NEO1: variants seen among roughly 807,000 people sequenced by gnomAD.
The protein encoded by NEO1 is neogenin.
A neutral mutation model predicts 159.7 loss-of-function variants in NEO1; 63 were observed. The ratio of observed to expected loss-of-function variants is 0.39; its 90% CI spans 0.32 to 0.49. NEO1 has a LOEUF of 0.49. Ranked by LOEUF, NEO1 falls within the 20% of genes least tolerant of loss-of-function variation. NEO1 has a pLI of 0.85. For missense variants in NEO1, 1,615 were observed against 1,831.0 expected, an observed-to-expected ratio of 0.88 and a Z score of 2.15; for synonymous variants, 633 against 662.0, an observed-to-expected ratio of 0.96 and a Z score of 0.67.
At chr15:73,118,711 A>C (rs938295879) in intron 2 of NEO1, among the ~76,000 whole-genome samples, 1 of 152,202 alleles carries the variant, frequency 6.6e-6, no homozygotes, top group Non-Finnish European at 1.5e-5. Context: ...GACTGCATAC[A>C]GGGTTCTGTA....
chr15:73,173,422 G>A (rs1019778270), intron 5 of NEO1, among the ~76,000 whole-genome samples: 1 of 152,140 alleles, frequency 6.6e-6, no homozygotes, highest in Admixed American at 6.5e-5. Flanking sequence ...AAACCCCCAA[G>A]AGTACGTAGA....
rs536254884 is a variant in NEO1, at chr15:73,141,063, C to T, written c.1015+5036C>T. On this transcript the variant is annotated intron_variant, in intron 5 of 28. Coordinates refer to ENST00000261908, the MANE Select transcript of NEO1 (RefSeq NM_002499.4). ...ATTCAAGCTGTATTGTTCATGTGTG[C>T]CACATGAGATCATCTCTTTTTTTAC... 2.6e-5 allele frequency among the ~76,000 whole-genome samples: 4 copies of T among 152,184 alleles called. No individual in the cohort carries two copies. In the South Asian group the frequency reaches 8.3e-4, roughly 32 times the overall value.
In NEO1 at chr15:73,303,289, T is replaced by G. The variant is rs1242281796; in HGVS notation, c.*593T>G. The stretch of plus-strand genomic sequence containing the variant: ...CTGAGTCATTGCATCCTCTACCAGC[T>G]GTTAATCCATCACTCTGAGGGGGAG... On this transcript the variant is annotated 3_prime_UTR_variant, in exon 29 of 29. Coordinates refer to ENST00000261908, the MANE Select transcript of NEO1 (RefSeq NM_002499.4). 1 of 152,692 alleles carries G rather than the reference T, an allele frequency of 6.5e-6. No homozygotes were observed. Among genetic ancestry groups the G allele is most frequent in the Non-Finnish European group, 1.5e-5 (1 of 68,080 alleles). 9.5% of individuals were successfully genotyped at this position (152,692 alleles called of 1,614,324 possible).
intron 6 of NEO1, 143 bp from the exon 7 acceptor site, chr15:73,178,164 T>C: frequency 1.3e-6 from 1 of 744,886 alleles, no homozygotes; most frequent in South Asian, 2.0e-5. Context: ...GAAATTGAGT[T>C]AACAAGTACT....
At chr15:73,220,660 C>T (rs565819454) in intron 7 of NEO1, among the ~76,000 whole-genome samples, 5 of 152,126 alleles carry the variant, frequency 3.3e-5, no homozygotes, top group East Asian at 3.9e-4. Flanking sequence ...CTTCCCTTCT[C>T]GCTTCATTTC....
chr15:73,259,012 CTGTAT>C (rs2040494615), intron 14 of NEO1, 136 bp downstream of exon 14: 2 of 686,824 alleles, frequency 2.9e-6, no homozygotes, highest in Non-Finnish European at 5.1e-6. Flanking sequence ...GCTGTTGTTC[CTGTAT>C]TGCATCGAGG....
At chr15:73,232,921 C>T (rs907378391) in intron 7 of NEO1, among the ~76,000 whole-genome samples, 12 of 152,206 alleles carry the variant, frequency 7.9e-5, no homozygotes, top group African/African-American at 2.7e-4. Context: ...ATGCCTCAGA[C>T]ACTGTTTGTG....
chr15:73,220,389 T>C (rs1439296782), intron 7 of NEO1, among the ~76,000 whole-genome samples: 2 of 152,196 alleles, frequency 1.3e-5, no homozygotes, highest in Non-Finnish European at 2.9e-5. Context: ...CTTTGGTGAA[T>C]CTGACAATTA....
chr15:73,116,111 A>T (rs1295438149), intron 1 of NEO1, among the ~76,000 whole-genome samples: 1 of 152,212 alleles, frequency 6.6e-6, no homozygotes, highest in Non-Finnish European at 1.5e-5. Context: ...TGTGTATAGT[A>T]AATTTATGAA....
chr15:73,270,276 T>C lies in NEO1; in HGVS notation c.2719-40T>C, dbSNP rs2041110444. The C allele has an allele frequency of 5.0e-6, 8 of 1,613,816 alleles. No homozygotes were observed. In the East Asian group the frequency reaches 1.8e-4, roughly 36 times the overall value. ...CTGGCTGAAAAAAGCTAATCATTGA[T>C]ACTTTCTAATTTTAAAGTCTCAATT... On this transcript the variant is annotated intron_variant, in intron 17 of 28. Coordinates refer to ENST00000261908, the MANE Select transcript of NEO1 (RefSeq NM_002499.4).
At chr15:73,071,254 T>C (rs1456127710) in intron 1 of NEO1, among the ~76,000 whole-genome samples, 1 of 152,182 alleles carries the variant, frequency 6.6e-6, no homozygotes, top group Non-Finnish European at 1.5e-5. Context: ...CGATTCTTTA[T>C]GTGTAGTTAC....
intron 7 of NEO1, among the ~76,000 whole-genome samples, chr15:73,233,880 G>C (rs542414233): frequency 1.3e-5 from 2 of 152,228 alleles, no homozygotes; most frequent in East Asian, 3.9e-4. Context: ...TATTTGTCTG[G>C]TTCATATCAG....
intron 1 of NEO1, among the ~76,000 whole-genome samples, chr15:73,056,164 C>G (rs1490251319): frequency 2.0e-5 from 3 of 152,194 alleles, no homozygotes; most frequent in Admixed American, 2.0e-4. Flanking sequence ...TCTCCCAAAC[C>G]CAATAAAGCC....
At chr15:73,223,330 T>C (rs1316219090) in intron 7 of NEO1, among the ~76,000 whole-genome samples, 1 of 152,188 alleles carries the variant, frequency 6.6e-6, no homozygotes, top group Non-Finnish European at 1.5e-5. Context: ...ATCTATTGTT[T>C]CTTTGTTGAC....
At chr15:73,200,860 T>C (rs961705154) in intron 7 of NEO1, among the ~76,000 whole-genome samples, 2 of 151,646 alleles carry the variant, frequency 1.3e-5, no homozygotes, top group Non-Finnish European at 2.9e-5. Flanking sequence ...ATTTTTGTAT[T>C]TTTGGTAGAG....
At chr15:73,168,953 A>G (rs1247269267) in intron 5 of NEO1, among the ~76,000 whole-genome samples, 1 of 152,090 alleles carries the variant, frequency 6.6e-6, no homozygotes, top group African/African-American at 2.4e-5. Context: ...TTAACATGAA[A>G]TGGACAAAAT....
At chr15:73,158,361 A>G (rs992860978) in intron 5 of NEO1, among the ~76,000 whole-genome samples, 1 of 151,884 alleles carries the variant, frequency 6.6e-6, no homozygotes, top group Non-Finnish European at 1.5e-5. Flanking sequence ...TGATATATTT[A>G]CAGAATTAAG....
intron 7 of NEO1, among the ~76,000 whole-genome samples, chr15:73,207,945 A>G (rs1320126226): frequency 6.6e-6 from 1 of 152,212 alleles, no homozygotes. Context: ...AACTAATTAG[A>G]TAGAGGCTTC....
In NEO1 at chr15:73,288,519, G is replaced by C. The variant is rs779429104; in HGVS notation, c.3617G>C (p.Ser1206Thr). 1 of 1,614,038 alleles carries C rather than the reference G, an allele frequency of 6.2e-7. No individual in the cohort carries two copies. The highest frequency in any genetic ancestry group is 1.1e-5 in the South Asian group (1 of 91,084). ...ACACCAGTTGACAACTCCATGGACAGCAATATCCATCAAAGGCGAAATTCA... is the reference window on the plus strand; with the variant it reads ...ACACCAGTTGACAACTCCATGGACACCAATATCCATCAAAGGCGAAATTCA... ...DITPVDNSMD[S>T]NIHQRRNSYR... Residue 1206 changes from serine (S) to threonine (T), a missense_variant, in exon 24 of 29, where the codon AGC becomes ACC. Transcript: ENST00000261908.
Sources: gnomAD v4.1 joint callset for allele counts (sites outside exome capture counted in the v4.1 genomes callset) on GRCh38, gnomAD v4.1.1 for gene constraint, MANE v1.5 for transcripts, NCBI Gene and HGNC (gene_info 2026-07-23, HGNC 2026-07-21) for gene names.